The following NFIA variants were observed in gnomAD, a reference collection of about 807,000 sequenced individuals.
NFIA encodes nuclear factor I A, also known as nuclear factor 1 A-type.
In NFIA, 8 loss-of-function variants were observed where a neutral mutation model predicts 62.8. That is an observed-to-expected ratio of 0.13 (90% confidence interval 0.07 to 0.23). The LOEUF (loss-of-function observed/expected upper bound fraction) is 0.23. NFIA is among the 10% of genes least tolerant of loss of function. The pLI is 1.00. For synonymous variants in NFIA, 235 were observed against 238.1 expected (o/e 0.99, Z 0.12); for missense variants, 410 against 642.1 (o/e 0.64, Z 3.91).
upstream of NFIA, among the ~76,000 whole-genome samples, chr1:61,078,839 G>GAACT (rs1450242199): frequency 5.3e-5 from 8 of 152,170 alleles, no homozygotes; most frequent in African/African-American, 1.9e-4. Context: ...ACTGTTAGTT[G>GAACT]GAGTCTGGCC....
At chr1:61,164,488 A>G (rs778666021) in intron 2 of NFIA, among the ~76,000 whole-genome samples, 1 of 151,546 alleles carries the variant, frequency 6.6e-6, no homozygotes, top group Non-Finnish European at 1.5e-5. Flanking sequence ...GAGATGGAGT[A>G]TTGCTCTGTC....
intron 4 of NFIA, among the ~76,000 whole-genome samples, chr1:61,339,303 G>C (rs7524488): frequency 6.6e-6 from 1 of 152,026 alleles, no homozygotes; most frequent in African/African-American, 2.4e-5. Flanking sequence ...CAAAAGAGTG[G>C]GTGGCCCTTT....
At chr1:61,082,863 G>T in intron 1 of NFIA, 45 bp downstream of exon 1, 1 of 1,538,602 alleles carries the variant, frequency 6.5e-7, no homozygotes, top group South Asian at 1.2e-5. Context: ...CCGGGGCGCC[G>T]GGGGCAGGGC....
At chr1:61,077,487 CT>C, upstream of NFIA, 1 of 785,610 alleles carries the variant, frequency 1.3e-6, no homozygotes, top group East Asian at 3.2e-5. Flanking sequence ...TGGCCAACAG[CT>C]TTTTAAAAAA....
chr1:61,317,851 T>C (rs1307000166), intron 3 of NFIA, among the ~76,000 whole-genome samples: 2 of 152,116 alleles, frequency 1.3e-5, no homozygotes, highest in Non-Finnish European at 2.9e-5. Context: ...GTGTTCTAGG[T>C]TCTTTGCTAA....
intron 9 of NFIA, among the ~76,000 whole-genome samples, chr1:61,407,047 T>C (rs1665874416): frequency 6.6e-6 from 1 of 152,216 alleles, no homozygotes; most frequent in Non-Finnish European, 1.5e-5. Context: ...AGCAGCTACT[T>C]ACATGGATTC....
At chr1:61,095,964 A>G (rs1255841841) in intron 2 of NFIA, among the ~76,000 whole-genome samples, 1 of 152,032 alleles carries the variant, frequency 6.6e-6, no homozygotes, top group Non-Finnish European at 1.5e-5. Context: ...ATATTTACAG[A>G]CAGAGAAATA....
At chr1:61,225,507 C>T (rs1450731403) in intron 2 of NFIA, among the ~76,000 whole-genome samples, 1 of 151,358 alleles carries the variant, frequency 6.6e-6, no homozygotes, top group East Asian at 1.9e-4. Flanking sequence ...CCTCGGCCTC[C>T]CAAAGTGCTG....
At chr1:61,228,618 G>T (rs1208895143) in intron 2 of NFIA, among the ~76,000 whole-genome samples, 2 of 152,074 alleles carry the variant, frequency 1.3e-5, no homozygotes, top group Non-Finnish European at 2.9e-5. Context: ...TAAAATTTCT[G>T]CAGTATTCAA....
chr1:61,333,390 T>G (rs887606459), intron 4 of NFIA, among the ~76,000 whole-genome samples: 1 of 152,116 alleles, frequency 6.6e-6, no homozygotes, highest in African/African-American at 2.4e-5. Flanking sequence ...ATTGACTGAG[T>G]AAGCCAGTCC....
rs781685089 is a variant in NFIA at position 61,306,308 on chromosome 1, A to ACT, written c.626-26201_626-26200dup. On this transcript the variant is annotated intron_variant, in intron 3 of 10. Transcript: ENST00000403491. ...TTTTTTTTTTTTAAGACAGAGTCTC[A>ACT]CTCTGTCATCCAGGCTGGAGTGCAG... is the stretch of plus-strand genomic sequence containing the variant. 6.9e-4 allele frequency among the ~76,000 whole-genome samples: 74 copies of ACT among 107,120 alleles called. 1 individual carries two copies. Among genetic ancestry groups the ACT allele is most frequent in the Non-Finnish European group, 1.1e-3 (59 of 56,034 alleles). 70.3% of individuals were successfully genotyped at this position (107,120 alleles called of 152,430 possible).
chr1:61,080,286 T>TA (rs113530690), upstream of NFIA, among the ~76,000 whole-genome samples: 3,523 of 142,624 alleles, frequency 0.025, 88 homozygotes, highest in African/African-American at 0.067. Flanking sequence ...CTTCCCCCAT[T>TA]AAAAAAAAAA....
Position 61,082,698 on chromosome 1 carries a change from T to G in NFIA, c.-94T>G. On this transcript the variant is annotated 5_prime_UTR_variant, in exon 1 of 11. Transcript: ENST00000403491. ...TCTCTCTCTCTCTCTCTCTCTCTCTTCCTCTCTCCCTCTTTCTCCTCTCTC... is the reference window on the plus strand; with the variant it reads ...TCTCTCTCTCTCTCTCTCTCTCTCTGCCTCTCTCCCTCTTTCTCCTCTCTC... 6.7e-7 allele frequency: 1 copy of G among 1,494,618 alleles called. No individual in the cohort carries two copies. Among genetic ancestry groups the G allele is most frequent in the Non-Finnish European group, 9.0e-7 (1 of 1,105,188 alleles). The allele number at this position is 1,494,618 out of a possible 1,614,324, so 92.6% of individuals were successfully genotyped here. A position where few individuals can be genotyped will look rare whatever the true frequency, so the allele number is the denominator to read the frequency against.
At chr1:61,091,265 T>C (rs1646315508) in intron 2 of NFIA, among the ~76,000 whole-genome samples, 2 of 152,232 alleles carry the variant, frequency 1.3e-5, no homozygotes, top group African/African-American at 4.8e-5. Flanking sequence ...TCTTGCTTTA[T>C]GTGTCCACCT....
chr1:61,159,773 C>G (rs2100533747), intron 2 of NFIA, among the ~76,000 whole-genome samples: 2 of 151,052 alleles, frequency 1.3e-5, no homozygotes, highest in East Asian at 3.9e-4. Flanking sequence ...CCTCTGCCTC[C>G]CGGGCTCAAG....
chr1:61,187,935 G>T (rs905080926), intron 2 of NFIA, among the ~76,000 whole-genome samples: 17 of 152,098 alleles, frequency 1.1e-4, no homozygotes, highest in Non-Finnish European at 4.4e-5. Flanking sequence ...AGGTTGAATA[G>T]CCTCGCTCAC....
At chr1:61,286,279 T>A (rs1264280316) in intron 3 of NFIA, among the ~76,000 whole-genome samples, 1 of 146,906 alleles carries the variant, frequency 6.8e-6, no homozygotes, top group South Asian at 2.3e-4. Context: ...AAAAAAAAAA[T>A]TAGCCGGGTG....
intron 6 of NFIA, among the ~76,000 whole-genome samples, chr1:61,366,983 A>G (rs533939315): frequency 7.9e-5 from 12 of 152,330 alleles, no homozygotes. Flanking sequence ...AATGATTAAG[A>G]AACACAGTTT....
intron 2 of NFIA, among the ~76,000 whole-genome samples, chr1:61,199,505 G>A (rs570933603): frequency 2.1e-4 from 32 of 152,120 alleles, no homozygotes; most frequent in African/African-American, 5.3e-4. Flanking sequence ...CTTATGTACC[G>A]TATCTCGTGA....
Sources: gnomAD v4.1 joint callset for allele counts (sites outside exome capture counted in the v4.1 genomes callset) on GRCh38, gnomAD v4.1.1 for gene constraint, MANE v1.5 for transcripts, NCBI Gene and HGNC (gene_info 2026-07-23, HGNC 2026-07-21) for gene names.